SGCZ: variants seen among roughly 807,000 people sequenced by gnomAD.
SGCZ encodes zeta-sarcoglycan.
In SGCZ, 40 loss-of-function variants were observed where a neutral mutation model predicts 41.3. The observed-to-expected ratio is 0.97, with a 90% CI of 0.75 to 1.26. The LOEUF is 1.26. SGCZ is among the 50% of genes most tolerant of loss of function. The pLI, the probability that SGCZ is intolerant of heterozygous loss-of-function variation, is 0.00. For synonymous variants in SGCZ, 206 were observed against 137.5 expected, an observed-to-expected ratio of 1.50 and a Z score of -3.49; for missense variants, 552 against 369.8, an observed-to-expected ratio of 1.49 and a Z score of -4.04.
chr8:15,178,960 A>G (rs1260300804), intron 1 of SGCZ, among the ~76,000 whole-genome samples: 1 of 152,198 alleles, frequency 6.6e-6, no homozygotes, highest in African/African-American at 2.4e-5. Context: ...TATGATAAAC[A>G]ATTTTAGATA....
intron 1 of SGCZ, among the ~76,000 whole-genome samples, chr8:15,189,113 C>T (rs993369846): frequency 6.6e-6 from 1 of 152,140 alleles, no homozygotes; most frequent in Non-Finnish European, 1.5e-5. Flanking sequence ...GCCATACTTT[C>T]ACTATAACGG....
At chr8:14,376,802 C>G (rs376904240) in intron 2 of SGCZ, among the ~76,000 whole-genome samples, 4 of 152,050 alleles carry the variant, frequency 2.6e-5, no homozygotes, top group African/African-American at 9.7e-5. Flanking sequence ...TAGCAGAATT[C>G]AACATTACAT....
chr8:14,579,531 T>G (rs988132801), intron 1 of SGCZ, among the ~76,000 whole-genome samples: 4 of 152,234 alleles, frequency 2.6e-5, no homozygotes, highest in African/African-American at 7.2e-5. Flanking sequence ...ACTATTAAAG[T>G]TAATTAAACT....
chr8:15,040,531 C>T (rs1563459925), intron 1 of SGCZ, among the ~76,000 whole-genome samples: 2 of 152,202 alleles, frequency 1.3e-5, no homozygotes, highest in Admixed American at 1.3e-4. Flanking sequence ...GCAGGAGAAT[C>T]GCTTGTAACC....
intron 1 of SGCZ, among the ~76,000 whole-genome samples, chr8:14,709,562 G>A (rs9643987): frequency 0.31 from 46,371 of 151,750 alleles, 7,582 homozygotes; most frequent in African/African-American, 0.41. Context: ...CGCTTGTTAC[G>A]GCATAAGCAG....
intron 1 of SGCZ, among the ~76,000 whole-genome samples, chr8:14,613,619 G>C (rs1203695850): frequency 6.6e-6 from 1 of 152,172 alleles, no homozygotes; most frequent in Non-Finnish European, 1.5e-5. Flanking sequence ...AGAGCATGCA[G>C]AATTTGCAGG....
At chr8:14,472,044 G>C (rs118016678) in intron 2 of SGCZ, among the ~76,000 whole-genome samples, 2,030 of 152,058 alleles carry the variant, frequency 0.013, 20 homozygotes, top group Non-Finnish European at 0.018. Context: ...GTATCTGTAA[G>C]ACTGTTCCTA....
At chr8:14,960,632 A>C (rs564329663) in intron 1 of SGCZ, among the ~76,000 whole-genome samples, 1 of 152,260 alleles carries the variant, frequency 6.6e-6, no homozygotes, top group Non-Finnish European at 1.5e-5. Flanking sequence ...TGTGAAGAAA[A>C]TTAAGCCATA....
At chr8:14,939,997 G>T (rs572933085) in intron 1 of SGCZ, among the ~76,000 whole-genome samples, 12 of 152,260 alleles carry the variant, frequency 7.9e-5, no homozygotes, top group African/African-American at 2.9e-4. Flanking sequence ...ACAGCAGACA[G>T]TCAATAGAAG....
chr8:15,031,848 GCTATTTTCA>G (rs927140988), intron 1 of SGCZ, among the ~76,000 whole-genome samples: 85 of 150,464 alleles, frequency 5.6e-4, no homozygotes, highest in African/African-American at 2.0e-3. Context: ...GTCGGCCAGC[GCTATTTTCA>G]ATAACTCTAA....
chr8:15,007,806 A>C (rs187008394), intron 1 of SGCZ, among the ~76,000 whole-genome samples: 1 of 152,208 alleles, frequency 6.6e-6, no homozygotes, highest in African/African-American at 2.4e-5. Flanking sequence ...AGCAGCATTT[A>C]TTATTGTTAT....
Position 14,801,216 on chromosome 8 carries a change from T to A in SGCZ, c.40-246290A>T, listed in dbSNP as rs551425035. 9.3e-4 allele frequency among the ~76,000 whole-genome samples: 141 copies of A among 152,270 alleles called. 1 individual carries two copies. The Middle Eastern group carries it at 0.014, about 15-fold the overall frequency. On this transcript the variant is annotated intron_variant, in intron 1 of 7. Coordinates refer to ENST00000382080, the MANE Select transcript of SGCZ (RefSeq NM_139167.4). ...TGTGTATGTGTACACAAACTCAGTG[T>A]ATTGAAACAGAGAAGATAAACAGAA...
At chr8:14,266,290 C>A (rs570686277) in intron 3 of SGCZ, among the ~76,000 whole-genome samples, 50 of 152,192 alleles carry the variant, frequency 3.3e-4, no homozygotes. Context: ...AGGCATGTTC[C>A]TTTTCATTCA....
chr8:15,185,741 A>G (rs940390849), intron 1 of SGCZ, among the ~76,000 whole-genome samples: 3 of 152,178 alleles, frequency 2.0e-5, no homozygotes, highest in African/African-American at 7.2e-5. Context: ...GACAGACTAC[A>G]GAGTTATTTA....
intron 2 of SGCZ, among the ~76,000 whole-genome samples, chr8:14,505,525 A>G (rs1312610483): frequency 6.6e-6 from 1 of 152,170 alleles, no homozygotes; most frequent in Non-Finnish European, 1.5e-5. Context: ...ATTCACCATT[A>G]TACCTATGTC....
chr8:14,517,956 T>C (rs1802674567), intron 2 of SGCZ, among the ~76,000 whole-genome samples: 1 of 151,904 alleles, frequency 6.6e-6, no homozygotes, highest in South Asian at 2.1e-4. Flanking sequence ...AACATTTCTA[T>C]GATTTATTTG....
chr8:15,226,176 G>GACCT (rs770407513), intron 1 of SGCZ, among the ~76,000 whole-genome samples: 58 of 151,590 alleles, frequency 3.8e-4, no homozygotes, highest in Non-Finnish European at 7.8e-4. Flanking sequence ...AAATCCTTCG[G>GACCT]ACCTACCTAC....
chr8:14,146,782 G>C lies in SGCZ; in HGVS notation c.547+17798C>G, dbSNP rs934007123. On this transcript the variant is annotated intron_variant, in intron 5 of 7. Coordinates refer to ENST00000382080, the MANE Select transcript of SGCZ (RefSeq NM_139167.4). Reference sequence around the variant, plus strand: ...AGCTGCTCTGGAGGCTGAGGCAGGAGAATGGCGTGAACCCGGGAGGCGGAG... The same window carrying C: ...AGCTGCTCTGGAGGCTGAGGCAGGACAATGGCGTGAACCCGGGAGGCGGAG... Among the ~76,000 whole-genome samples, 57 of 144,544 alleles carry C rather than the reference G, an allele frequency of 3.9e-4. 1 individual carries two copies. Among genetic ancestry groups the C allele is most frequent in the African/African-American group, 1.4e-3 (53 of 37,964 alleles). 94.8% of individuals were successfully genotyped at this position (144,544 alleles called of 152,430 possible). A position where few individuals can be genotyped will look rare whatever the true frequency, so the allele number is the denominator to read the frequency against.
At chr8:14,806,690 C>T (rs537339072) in intron 1 of SGCZ, among the ~76,000 whole-genome samples, 1 of 152,088 alleles carries the variant, frequency 6.6e-6, no homozygotes, top group Non-Finnish European at 1.5e-5. Flanking sequence ...GAAACTATTA[C>T]AATCAAGAGA....
Sources: gnomAD v4.1 joint callset for allele counts (sites outside exome capture counted in the v4.1 genomes callset) on GRCh38, gnomAD v4.1.1 for gene constraint, MANE v1.5 for transcripts, NCBI Gene and HGNC (gene_info 2026-07-23, HGNC 2026-07-21) for gene names.